Variants in MAP2K1 observed in about 807,000 individuals in gnomAD.
MAP2K1 encodes mitogen-activated protein kinase kinase 1, also known as dual specificity mitogen-activated protein kinase kinase 1.
MAP2K1 carries 16 observed loss-of-function variants against 46.3 expected under a neutral mutation model. The ratio of observed to expected loss-of-function variants is 0.35; its 90% confidence interval spans 0.23 to 0.52. The LOEUF (loss-of-function observed/expected upper bound fraction) is 0.52, where lower values mean the gene tolerates loss of function less well. Ranked by LOEUF, MAP2K1 falls within the 20% of genes least tolerant of loss-of-function variation. The pLI, the probability that MAP2K1 is intolerant of heterozygous loss-of-function variation, is 0.94. For synonymous variants in MAP2K1, 183 were observed against 185.6 expected (o/e 0.99, Z 0.11); for missense variants, 263 against 497.1 (o/e 0.53, Z 4.48).
At chr15:66,434,374 T>C (rs894924695) in intron 1 of MAP2K1, among the ~76,000 whole-genome samples, 1 of 152,230 alleles carries the variant, frequency 6.6e-6, no homozygotes, top group Non-Finnish European at 1.5e-5. Flanking sequence ...CGAAGGATGA[T>C]GTGGACCTCT....
At chr15:66,483,024 A>C (rs1003813558) in intron 6 of MAP2K1, among the ~76,000 whole-genome samples, 7 of 152,170 alleles carry the variant, frequency 4.6e-5, no homozygotes, top group Non-Finnish European at 1.0e-4. Flanking sequence ...GGAAATAAAG[A>C]TTATTGTTCC....
chr15:66,409,580 CT>C (rs2093406381), intron 1 of MAP2K1, among the ~76,000 whole-genome samples: 1 of 152,192 alleles, frequency 6.6e-6, no homozygotes, highest in African/African-American at 2.4e-5. Flanking sequence ...AGACAGGATT[CT>C]CAGCTCTGCA....
intron 1 of MAP2K1, among the ~76,000 whole-genome samples, chr15:66,420,751 G>GTATA (rs2093436742): frequency 4.2e-5 from 2 of 47,126 alleles, no homozygotes; most frequent in African/African-American, 6.1e-5. Context: ...GTGTGTGTGT[G>GTATA]TGTGTGTGTA....
chr15:66,478,207 C>T (rs897575676), intron 5 of MAP2K1, among the ~76,000 whole-genome samples: 2 of 150,346 alleles, frequency 1.3e-5, no homozygotes, highest in Non-Finnish European at 3.0e-5. Context: ...CAACAGTACC[C>T]CCTTACTCTC....
At chr15:66,413,921 T>TC (rs2093417982) in intron 1 of MAP2K1, among the ~76,000 whole-genome samples, 1 of 150,498 alleles carries the variant, frequency 6.6e-6, no homozygotes, top group African/African-American at 2.4e-5. Flanking sequence ...CTTTTTTTTT[T>TC]TTTTTTCCTG....
intron 6 of MAP2K1, among the ~76,000 whole-genome samples, chr15:66,483,881 G>A (rs1892973829): frequency 6.6e-6 from 1 of 151,372 alleles, no homozygotes; most frequent in Non-Finnish European, 1.5e-5. Context: ...CCGAGTAGCT[G>A]GAACTACAGG....
chr15:66,469,324 A>C (rs1008688693), intron 5 of MAP2K1, among the ~76,000 whole-genome samples: 5 of 152,220 alleles, frequency 3.3e-5, no homozygotes, highest in Non-Finnish European at 5.9e-5. Context: ...AAAACCCAAG[A>C]GTAGCCTCTG....
intron 1 of MAP2K1, among the ~76,000 whole-genome samples, chr15:66,424,487 A>G (rs1277731488): frequency 1.3e-5 from 2 of 152,240 alleles, no homozygotes; most frequent in African/African-American, 4.8e-5. Context: ...GCTGTTAGCC[A>G]GATTTGAGCT....
chr15:66,427,219 A>G (rs2093461490), intron 1 of MAP2K1, among the ~76,000 whole-genome samples: 1 of 152,226 alleles, frequency 6.6e-6, no homozygotes, highest in African/African-American at 2.4e-5. Context: ...TAAATGCTAA[A>G]TGCATATTTA....
rs376154973 is a variant in MAP2K1, at chr15:66,449,411, A to G, written c.568+4704A>G. Among the ~76,000 whole-genome samples, 69 of 152,322 alleles carry G rather than the reference A, an allele frequency of 4.5e-4. 1 individual carries two copies. In the East Asian group the frequency reaches 6.9e-3, roughly 15 times the overall value. ...CTAATACGAAATTTTAGAACAGACA[A>G]TCCACAGTAACATATAGCAGATGAG... On this transcript the variant is annotated intron_variant, in intron 5 of 10. Coordinates refer to ENST00000307102, the MANE Select transcript of MAP2K1 (RefSeq NM_002755.4).
At chr15:66,459,021 A>G (rs1162189945) in intron 5 of MAP2K1, among the ~76,000 whole-genome samples, 1 of 152,134 alleles carries the variant, frequency 6.6e-6, no homozygotes, top group African/African-American at 2.4e-5. Context: ...AGCCTATATG[A>G]AAGTGTTTTT....
intron 1 of MAP2K1, among the ~76,000 whole-genome samples, chr15:66,394,349 T>C (rs2093362816): frequency 7.2e-6 from 1 of 138,142 alleles, no homozygotes; most frequent in Admixed American, 7.1e-5. Flanking sequence ...GGAACACACA[T>C]CTGTTAGAGT....
Position 66,489,757 on chromosome 15 carries a change from A to C in MAP2K1, c.1062A>C (p.Gln354His), listed in dbSNP as rs750035241. Reference protein sequence around the residue: ...KNPAERADLKQLMVHAFIKRS... With the variant: ...KNPAERADLKHLMVHAFIKRS... ...CCGCAGAGAGAGCAGATTTGAAGCAACTCATGGTGAGTCTATTTATTCCGG... is the reference window on the plus strand; with the variant it reads ...CCGCAGAGAGAGCAGATTTGAAGCACCTCATGGTGAGTCTATTTATTCCGG... The change falls in exon 10 of 11, where the codon CAA becomes CAC. Residue 354 changes from glutamine to histidine, a missense_variant. Transcript: ENST00000307102. 1.4e-5 allele frequency: 22 copies of C among 1,613,268 alleles called. No individual in the cohort carries two copies. In the East Asian group the frequency reaches 4.5e-4, roughly 33 times the overall value.
At chr15:66,404,125 G>C (rs527415783) in intron 1 of MAP2K1, among the ~76,000 whole-genome samples, 1 of 152,256 alleles carries the variant, frequency 6.6e-6, no homozygotes, top group African/African-American at 2.4e-5. Context: ...TGCTAATCAG[G>C]CACTCATTTG....
intron 5 of MAP2K1, among the ~76,000 whole-genome samples, chr15:66,445,870 C>CTTT (rs956191523): frequency 6.9e-6 from 1 of 144,104 alleles, no homozygotes. Flanking sequence ...AATGTTACAT[C>CTTT]TTTTTTTTTT....
chr15:66,454,993 G>A (rs1892129692), intron 5 of MAP2K1, among the ~76,000 whole-genome samples: 1 of 152,138 alleles, frequency 6.6e-6, no homozygotes, highest in Non-Finnish European at 1.5e-5. Flanking sequence ...TAGTTGGGAG[G>A]TTGGCTCAGT....
chr15:66,465,074 A>T (rs1177525486), intron 5 of MAP2K1, among the ~76,000 whole-genome samples: 3 of 151,542 alleles, frequency 2.0e-5, no homozygotes, highest in African/African-American at 7.3e-5. Context: ...AATACAAAAA[A>T]ATTAGCCGGG....
intron 1 of MAP2K1, among the ~76,000 whole-genome samples, chr15:66,400,617 C>G (rs867925427): frequency 6.6e-6 from 1 of 152,118 alleles, no homozygotes; most frequent in Non-Finnish European, 1.5e-5. Flanking sequence ...TGTCCTGTGC[C>G]CTTGTTGCTC....
At chr15:66,476,734 C>A (rs1293234277) in intron 5 of MAP2K1, among the ~76,000 whole-genome samples, 1 of 152,096 alleles carries the variant, frequency 6.6e-6, no homozygotes, top group Admixed American at 6.6e-5. Context: ...GGGGCTGTCC[C>A]GCTGGAGGAG....
Sources: allele counts gnomAD v4.1 joint callset (sites outside exome capture counted in the v4.1 genomes callset), GRCh38; gene constraint gnomAD v4.1.1; transcripts MANE v1.5; gene names NCBI Gene and HGNC (gene_info 2026-07-23, HGNC 2026-07-21).